The following FHAD1 variants were observed in gnomAD, a reference collection of about 807,000 sequenced individuals.
FHAD1 encodes forkhead-associated domain-containing protein 1.
In FHAD1, 146 loss-of-function variants were observed where a neutral mutation model predicts 191.3. The ratio of observed to expected loss-of-function variants is 0.76; its 90% confidence interval spans 0.67 to 0.88. The LOEUF is 0.88. Among genes scored for constraint, FHAD1 ranks in the 40% least tolerant of loss-of-function variants. FHAD1 has a pLI of 0.00. For synonymous variants in FHAD1, 616 were observed against 672.3 expected, an observed-to-expected ratio of 0.92 and a Z score of 1.29; for missense variants, 1,635 against 1,785.8, an observed-to-expected ratio of 0.92 and a Z score of 1.52.
At chr1:15,243,985 A>G (rs2100603759), upstream of FHAD1, among the ~76,000 whole-genome samples, 1 of 152,204 alleles carries the variant, frequency 6.6e-6, no homozygotes, top group Admixed American at 6.5e-5. Flanking sequence ...CTTCGTCGTC[A>G]CCAAGAGTTC....
chr1:15,382,212 G>C lies in FHAD1; in HGVS notation c.4188+19G>C. ...GCAGAAGGTGAGGCGCTGCTGCCCAGGGCAGAACCTCCCAGGCTGCCCTGC... is the reference window on the plus strand; with the variant it reads ...GCAGAAGGTGAGGCGCTGCTGCCCACGGCAGAACCTCCCAGGCTGCCCTGC... On this transcript the variant is annotated intron_variant, in intron 31 of 33. Transcript: ENST00000688493. The C allele has an allele frequency of 4.5e-6, 7 of 1,548,610 alleles. No homozygotes were observed. The highest frequency in any genetic ancestry group is 6.1e-6 in the Non-Finnish European group (7 of 1,145,904).
chr1:15,256,645 CA>C lies in FHAD1; in HGVS notation c.93+4795del, dbSNP rs34598860. Among the ~76,000 whole-genome samples the C allele has an allele frequency of 8.9e-3, 636 of 71,192 alleles. 2 individuals are homozygous for C. The highest frequency in any genetic ancestry group is 0.029 in the African/African-American group (423 of 14,426). The allele number at this position is 71,192 out of a possible 152,430, so 46.7% of individuals were successfully genotyped here. A position where few individuals can be genotyped will look rare whatever the true frequency, so the allele number is the denominator to read the frequency against. ...CTGGGCCACAAAACAAGACTCTGTC[CA>C]AAAAAAAAAAAAAAAAAAAAAAAAA... On this transcript the variant is annotated intron_variant, in intron 2 of 33. Coordinates refer to ENST00000688493, the MANE Select transcript of FHAD1 (RefSeq NM_001391957.1).
At chr1:15,348,394 A>T (rs1422522561) in intron 18 of FHAD1, among the ~76,000 whole-genome samples, 1 of 152,144 alleles carries the variant, frequency 6.6e-6, no homozygotes, top group Non-Finnish European at 1.5e-5. Context: ...CTGGCAGTGT[A>T]TTTCCTTTGG....
At chr1:15,367,184 C>G (rs1696741371) in intron 24 of FHAD1, among the ~76,000 whole-genome samples, 1 of 152,122 alleles carries the variant, frequency 6.6e-6, no homozygotes, top group South Asian at 2.1e-4. Flanking sequence ...CCTCATTGAG[C>G]CTCAGTTTCT....
intron 31 of FHAD1, among the ~76,000 whole-genome samples, chr1:15,382,811 G>A (rs12058287): frequency 0.12 from 17,861 of 152,250 alleles, 2,543 homozygotes; most frequent in African/African-American, 0.34. Context: ...TGCCGCCAGT[G>A]ACCGCAAAGG....
intron 3 of FHAD1, among the ~76,000 whole-genome samples, chr1:15,286,697 T>C (rs1201882867): frequency 6.6e-6 from 1 of 152,174 alleles, no homozygotes; most frequent in African/African-American, 2.4e-5. Context: ...GATTTGTTGC[T>C]TAGCCCCACC....
intron 24 of FHAD1, among the ~76,000 whole-genome samples, chr1:15,366,551 G>T (rs1050174735): frequency 6.6e-6 from 1 of 152,200 alleles, no homozygotes; most frequent in African/African-American, 2.4e-5. Flanking sequence ...GGAAGCAAAG[G>T]CTTGGAGGGC....
chr1:15,315,579 G>T (rs1034318532), intron 8 of FHAD1, among the ~76,000 whole-genome samples: 1 of 145,096 alleles, frequency 6.9e-6, no homozygotes, highest in Non-Finnish European at 1.5e-5. Context: ...TCTGCCTCCC[G>T]GGTTCACGCC....
chr1:15,353,156 A>G (rs1197725626), intron 20 of FHAD1, among the ~76,000 whole-genome samples, 172 bp downstream of exon 20: 3 of 152,082 alleles, frequency 2.0e-5, no homozygotes, highest in African/African-American at 2.4e-5. Context: ...AATACACTCA[A>G]TACACACAGA....
intron 19 of FHAD1, among the ~76,000 whole-genome samples, chr1:15,351,561 T>G (rs1010906146): frequency 2.6e-5 from 4 of 152,156 alleles, no homozygotes; most frequent in African/African-American, 4.8e-5. Flanking sequence ...GAAACAGGGA[T>G]AATCAGATAG....
intron 21 of FHAD1, 24 bp downstream of exon 21, chr1:15,358,307 G>C: frequency 1.3e-6 from 2 of 1,518,244 alleles, no homozygotes; most frequent in Non-Finnish European, 1.8e-6. Context: ...TTCCGGGAAC[G>C]GGAGAATTTT....
intron 2 of FHAD1, among the ~76,000 whole-genome samples, chr1:15,262,928 T>C (rs1651747780): frequency 6.6e-6 from 1 of 152,236 alleles, no homozygotes; most frequent in Non-Finnish European, 1.5e-5. Context: ...CCAGCCACAG[T>C]GCACGAGGGT....
At chr1:15,282,859 G>A (rs967186093) in intron 3 of FHAD1, among the ~76,000 whole-genome samples, 1 of 152,198 alleles carries the variant, frequency 6.6e-6, no homozygotes, top group African/African-American at 2.4e-5. Context: ...TCCCATTAAT[G>A]CAGAATAGGC....
chr1:15,251,897 G>C lies in FHAD1; in HGVS notation c.93+20G>C. 2 of 1,545,086 alleles carry C rather than the reference G, an allele frequency of 1.3e-6. No individual in the cohort carries two copies. The highest frequency in any genetic ancestry group is 1.4e-5 in the African/African-American group (1 of 72,918). ...TTACAGGTAAGAAGTCTTCCCACCT[G>C]TTCCCGTCCCCTCCCTGACCCCTTC... On this transcript the variant is annotated intron_variant, in intron 2 of 33. Coordinates refer to ENST00000688493, the MANE Select transcript of FHAD1 (RefSeq NM_001391957.1).
chr1:15,351,900 G>A (rs997774112), intron 19 of FHAD1, among the ~76,000 whole-genome samples: 4 of 152,076 alleles, frequency 2.6e-5, no homozygotes, highest in Admixed American at 6.6e-5. Flanking sequence ...TGTTAAAACC[G>A]GGAACATTGG....
At chr1:15,360,180 T>TA (rs1694311468) in intron 21 of FHAD1, among the ~76,000 whole-genome samples, 1 of 152,120 alleles carries the variant, frequency 6.6e-6, no homozygotes, top group East Asian at 1.9e-4. Flanking sequence ...GAAACAAAAT[T>TA]AAAGGCTTCA....
chr1:15,394,462 C>T lies in FHAD1; in HGVS notation c.4324-2835C>T, dbSNP rs76093190. Among the ~76,000 whole-genome samples the T allele has an allele frequency of 1.9e-3, 287 of 152,252 alleles. 6 individuals are homozygous for T. In the East Asian group the frequency reaches 0.049, roughly 26 times the overall value. ...TTGCTGTCTGTTTTCTTTTTCCCTGCGCATTTGGACCAATATTTACTTTGT... is the reference window on the plus strand; with the variant it reads ...TTGCTGTCTGTTTTCTTTTTCCCTGTGCATTTGGACCAATATTTACTTTGT... On this transcript the variant is annotated intron_variant, in intron 33 of 33. Transcript: ENST00000688493.
At chr1:15,255,446 A>G (rs1250226487) in intron 2 of FHAD1, among the ~76,000 whole-genome samples, 3 of 152,168 alleles carry the variant, frequency 2.0e-5, no homozygotes, top group African/African-American at 7.2e-5. Context: ...TGCCCTCCAG[A>G]CTTTTTTTTT....
intron 33 of FHAD1, among the ~76,000 whole-genome samples, chr1:15,392,913 TG>T (rs1277378311): frequency 6.6e-6 from 1 of 152,026 alleles, no homozygotes; most frequent in Non-Finnish European, 1.5e-5. Flanking sequence ...TGCTAAGCAC[TG>T]GGGAGAGAAG....
Sources: gnomAD v4.1 joint callset for allele counts (sites outside exome capture counted in the v4.1 genomes callset) on GRCh38, gnomAD v4.1.1 for gene constraint, MANE v1.5 for transcripts, NCBI Gene and HGNC (gene_info 2026-07-23, HGNC 2026-07-21) for gene names.